Variants in ABCA4 observed in about 807,000 individuals in gnomAD.
ABCA4 encodes retinal-specific phospholipid-transporting ATPase ABCA4.
In ABCA4, 196 loss-of-function variants were observed where a neutral mutation model predicts 263.7. The observed-to-expected ratio is 0.74, with a 90% CI of 0.66 to 0.84. The LOEUF is 0.84. ABCA4 is among the 40% of genes least tolerant of loss of function. ABCA4 has a pLI of 0.00. For missense variants in ABCA4, 2,792 were observed against 2,855.1 expected (o/e 0.98, Z 0.50); for synonymous variants, 1,133 against 1,094.2 (o/e 1.04, Z -0.70).
At chr1:94,064,104 C>T (rs535267401) in intron 11 of ABCA4, among the ~76,000 whole-genome samples, 6 of 152,254 alleles carry the variant, frequency 3.9e-5, no homozygotes, top group South Asian at 2.1e-4. Flanking sequence ...CTATTGGTGT[C>T]GACATTTCTT....
At chr1:94,060,432 C>G in intron 14 of ABCA4, 105 bp downstream of exon 14, 2 of 1,082,206 alleles carry the variant, frequency 1.8e-6, no homozygotes, top group Admixed American at 1.8e-5. Context: ...CTAGATGTCA[C>G]GCTCTCCTTG....
At chr1:94,096,690 T>C (rs988503347) in intron 6 of ABCA4, among the ~76,000 whole-genome samples, 2 of 152,206 alleles carry the variant, frequency 1.3e-5, no homozygotes, top group Non-Finnish European at 1.5e-5. Flanking sequence ...TAGTCTCCAA[T>C]GGAAAGTTTT....
In ABCA4 at chr1:94,032,034, T is replaced by A. The variant is rs1660220944; in HGVS notation, c.3872A>T (p.Gln1291Leu). 6.2e-7 allele frequency: 1 copy of A among 1,611,456 alleles called. No homozygotes were observed. ...DSGPLFAGGA[Q>L]QKRENVNPRH... Reference sequence around the variant, plus strand: ...GGGGTTGACGTTTTCTCTTTTCTGCTGAGCGCCACCTGTTTTGAGAGATTG... The same window carrying A: ...GGGGTTGACGTTTTCTCTTTTCTGCAGAGCGCCACCTGTTTTGAGAGATTG... The change falls in exon 27 of 50, where the codon CAG becomes CTG. Residue 1291 changes from glutamine to leucine, a missense_variant. Gln to Leu is a moderately radical substitution (Grantham distance 113). Transcript: ENST00000370225.
At chr1:94,049,876 C>T (rs545581735) in intron 17 of ABCA4, among the ~76,000 whole-genome samples, 1 of 151,996 alleles carries the variant, frequency 6.6e-6, no homozygotes, top group African/African-American at 2.4e-5. Context: ...GCAAACTTGG[C>T]ATTTGGTTTA....
chr1:94,103,188 G>T (rs1473821089), intron 4 of ABCA4, 46 bp from the exon 5 acceptor site: 2 of 1,609,194 alleles, frequency 1.2e-6, no homozygotes, highest in Admixed American at 3.3e-5. Flanking sequence ...GGGGAAATGG[G>T]TCAAAAAAAG....
intron 11 of ABCA4, among the ~76,000 whole-genome samples, chr1:94,067,233 T>C (rs982176644): frequency 6.6e-6 from 1 of 152,160 alleles, no homozygotes; most frequent in Non-Finnish European, 1.5e-5. Context: ...ACAAAAAAGC[T>C]AGTAAAAATA....
intron 1 of ABCA4, among the ~76,000 whole-genome samples, chr1:94,115,446 T>C (rs759080733): frequency 5.3e-5 from 8 of 152,258 alleles, no homozygotes; most frequent in South Asian, 4.1e-4. Flanking sequence ...TTTTGTCCTC[T>C]CTGAAATGGG....
In ABCA4 at chr1:94,063,212, G is replaced by A. The variant is rs1380991789; in HGVS notation, c.1660C>T (p.Pro554Ser). Residue 554 changes from proline (P) to serine (S), a missense_variant, in exon 12 of 50, where the codon CCT becomes TCT. Coordinates refer to ENST00000370225, the MANE Select transcript of ABCA4 (RefSeq NM_000350.3). ...ENMFWAGVVF[P>S]DMYPWTSSLP... is the part of the protein sequence containing the mutation. ...GAGCTGGTCCAGGGATACATGTCAG[G>A]GAATACCACTCCGGCCCAGAACATG... 9 of 1,614,124 alleles carry A rather than the reference G, an allele frequency of 5.6e-6. 1 individual carries two copies. In the South Asian group the frequency reaches 8.8e-5, roughly 16 times the overall value.
intron 2 of ABCA4, 42 bp from the exon 3 acceptor site, chr1:94,111,621 A>G: frequency 6.2e-7 from 1 of 1,612,348 alleles, no homozygotes; most frequent in African/African-American, 1.3e-5. Flanking sequence ...TTAGTCATGG[A>G]GACCAAGCAG....
chr1:93,998,889 C>T (rs1303181656), intron 47 of ABCA4, among the ~76,000 whole-genome samples: 1 of 150,718 alleles, frequency 6.6e-6, no homozygotes, highest in Non-Finnish European at 1.5e-5. Flanking sequence ...CAGGCACCTG[C>T]CACCACACTC....
intron 45 of ABCA4, 39 bp downstream of exon 45, chr1:94,001,819 T>C (rs1407588464): frequency 1.2e-6 from 2 of 1,614,046 alleles, no homozygotes; most frequent in South Asian, 2.2e-5. Flanking sequence ...GACCCAGCAC[T>C]TGGTTTAAGC....
rs754414345 is a variant in ABCA4 at position 94,080,736 on chromosome 1, C to CT, written c.859-19dup. ...TGGATAAACTAGGGCAAGGCAAAGT[C>CT]TTCAGGTTATTTTAAGGCAGCTAGA... On this transcript the variant is annotated intron_variant, in intron 7 of 49. Transcript: ENST00000370225. 6.2e-7 allele frequency: 1 copy of CT among 1,614,138 alleles called. No homozygotes were observed. The highest frequency in any genetic ancestry group is 1.1e-5 in the South Asian group (1 of 91,068).
intron 39 of ABCA4, 103 bp from the exon 40 acceptor site, chr1:94,011,032 A>G (rs1659531635): frequency 1.9e-6 from 3 of 1,601,052 alleles, no homozygotes; most frequent in Middle Eastern, 2.0e-4. Context: ...GTGGGAACTG[A>G]GCAAGAGCCA....
intron 30 of ABCA4, among the ~76,000 whole-genome samples, chr1:94,026,026 A>G (rs889434136): frequency 6.6e-6 from 1 of 152,200 alleles, no homozygotes; most frequent in African/African-American, 2.4e-5. Flanking sequence ...ATTTTGGAAA[A>G]TTCAAAGGTG....
chr1:94,073,638 T>C (rs539949216), intron 11 of ABCA4, among the ~76,000 whole-genome samples: 18 of 152,284 alleles, frequency 1.2e-4, no homozygotes, highest in Admixed American at 3.3e-4. Context: ...GCACAGATAA[T>C]AGGAATTTGA....
Position 94,029,547 on chromosome 1 carries a change from C to T in ABCA4, c.4437G>A (p.Trp1479Ter), listed in dbSNP as rs1660139846. 6.2e-7 allele frequency: 1 copy of T among 1,613,356 alleles called. No homozygotes were observed. The highest frequency in any genetic ancestry group is 2.2e-5 in the East Asian group (1 of 44,876). ...AGGATGGTGAAGGGTTGACCTGTGT[C>T]CATTTCTGCTTCTGGAACAGCTGGG... ...NITQLFQKQK[W>*]TQVNPSPSCR... Residue 1479 changes from tryptophan to a stop codon, truncating the protein, a stop_gained, in exon 30 of 50, where the codon TGG (tryptophan) becomes TGA (stop). Coordinates refer to ENST00000370225, the MANE Select transcript of ABCA4 (RefSeq NM_000350.3). LOFTEE classifies it high-confidence loss of function.
intron 11 of ABCA4, among the ~76,000 whole-genome samples, chr1:94,064,152 T>C (rs540778590): frequency 1.3e-5 from 2 of 152,370 alleles, no homozygotes; most frequent in South Asian, 4.1e-4. Flanking sequence ...GATGGTCTTG[T>C]CTTGATTAAG....
chr1:93,992,973 G>A lies in ABCA4; in HGVS notation c.*264C>T, dbSNP rs909665497. On this transcript the variant is annotated 3_prime_UTR_variant, in exon 50 of 50. Coordinates refer to ENST00000370225, the MANE Select transcript of ABCA4 (RefSeq NM_000350.3). The stretch of plus-strand genomic sequence containing the variant: ...GCCAAAGCTGCTAGTGGGATGGCCC[G>A]GGGTTTCTAGTTCTGGGGTCTGGAG... 2.0e-5 allele frequency: 11 copies of A among 541,246 alleles called. No individual in the cohort carries two copies. The highest frequency in any genetic ancestry group is 1.5e-4 in the African/African-American group (8 of 52,554). 33.5% of individuals were successfully genotyped at this position (541,246 alleles called of 1,614,324 possible).
chr1:94,060,067 A>G lies in ABCA4; in HGVS notation c.2160+470T>C, dbSNP rs521538. Among the ~76,000 whole-genome samples, 107,540 of 152,100 alleles carry G rather than the reference A, an allele frequency of 0.71. 38,974 individuals carry two copies. Among genetic ancestry groups the G allele is most frequent in the East Asian group, 0.92 (4,788 of 5,182 alleles). ...AGCCATGTAGGAGGTGACCATGATG[A>G]TGATAAGTAAATAATCCAGATCTCC... On this transcript the variant is annotated intron_variant, in intron 14 of 49. Transcript: ENST00000370225.
Sources: allele counts gnomAD v4.1 joint callset (sites outside exome capture counted in the v4.1 genomes callset), GRCh38; gene constraint gnomAD v4.1.1; transcripts MANE v1.5; gene names NCBI Gene and HGNC (gene_info 2026-07-23, HGNC 2026-07-21).